TNR: variants seen among roughly 807,000 people sequenced by gnomAD.
TNR encodes tenascin R.
Under a neutral mutation model 150.4 loss-of-function variants are expected in TNR, and 45 were observed. That is an observed-to-expected ratio of 0.30 (90% CI 0.24 to 0.38). The LOEUF is 0.38. Among genes scored for constraint, TNR ranks in the 10% least tolerant of loss-of-function variants. The pLI, the probability that TNR is intolerant of heterozygous loss-of-function variation, is 1.00. For synonymous variants in TNR, 687 were observed against 678.4 expected (o/e 1.01, Z -0.20); for missense variants, 1,544 against 1,759.1 (o/e 0.88, Z 2.19).
intron 2 of TNR, among the ~76,000 whole-genome samples, chr1:175,517,189 C>T (rs1251083051): frequency 6.6e-6 from 1 of 152,116 alleles, no homozygotes; most frequent in African/African-American, 2.4e-5. Flanking sequence ...CCAACATTTC[C>T]TCCTCTGCTC....
At chr1:175,529,372 T>A (rs545296626) in intron 1 of TNR, among the ~76,000 whole-genome samples, 1 of 152,204 alleles carries the variant, frequency 6.6e-6, no homozygotes, top group Non-Finnish European at 1.5e-5. Context: ...GAGGACCTCA[T>A]GAAACCCTCA....
chr1:175,491,667 T>G (rs1571515155), intron 2 of TNR, among the ~76,000 whole-genome samples: 1 of 96,034 alleles, frequency 1.0e-5, no homozygotes, highest in Admixed American at 1.0e-4. Context: ...TTTTTTTTTT[T>G]GAGATGGAGT....
At chr1:175,667,474 A>T (rs912655740) in intron 1 of TNR, among the ~76,000 whole-genome samples, 1 of 152,232 alleles carries the variant, frequency 6.6e-6, no homozygotes, top group African/African-American at 2.4e-5. Flanking sequence ...TTTCTTAAGC[A>T]CCTGCTATGT....
chr1:175,539,309 C>T (rs947597527), intron 1 of TNR: 4 of 152,228 alleles, frequency 2.6e-5, no homozygotes, highest in Admixed American at 6.5e-5. Flanking sequence ...GGCTACTGCT[C>T]TTGAGAAAGA....
At chr1:175,450,865 C>G (rs1164728857) in intron 2 of TNR, among the ~76,000 whole-genome samples, 2 of 152,206 alleles carry the variant, frequency 1.3e-5, no homozygotes, top group Non-Finnish European at 2.9e-5. Context: ...ATCCATCTAT[C>G]TGTGACATCC....
chr1:175,696,705 A>C (rs779449264), intron 1 of TNR, among the ~76,000 whole-genome samples: 2 of 151,936 alleles, frequency 1.3e-5, no homozygotes, highest in Non-Finnish European at 1.5e-5. Flanking sequence ...CATGGAGAAA[A>C]CCCATGTCTA....
chr1:175,708,036 G>C (rs909648951), intron 1 of TNR, among the ~76,000 whole-genome samples: 1 of 149,956 alleles, frequency 6.7e-6, no homozygotes, highest in African/African-American at 2.5e-5. Flanking sequence ...GTGTGTGTGT[G>C]TGTGTGTGTG....
chr1:175,620,565 G>A (rs74127365), intron 1 of TNR, among the ~76,000 whole-genome samples: 3,985 of 152,288 alleles, frequency 0.026, 177 homozygotes, highest in African/African-American at 0.089. Context: ...CAGCCCAAAG[G>A]CTGGCAGCAG....
At position 175,406,871 on chromosome 1, in the gene TNR, C is replaced by T. The variant is rs1571397854; in HGVS notation, c.-63-94G>A. The T allele has an allele frequency of 9.1e-6, 8 of 881,906 alleles. No homozygotes were observed. The East Asian group carries it at 1.9e-4, about 21-fold the overall frequency. The allele number at this position is 881,906 out of a possible 1,614,324, so 54.6% of individuals were successfully genotyped here. On this transcript the variant is annotated intron_variant, in intron 2 of 22. Coordinates refer to ENST00000367674, the MANE Select transcript of TNR (RefSeq NM_003285.3). ...CCTACAAAGCTCAGGAGTAGGCAGCCAGAGATTTTCAAGGGGGGGGCGTCA... is the reference window on the plus strand; with the variant it reads ...CCTACAAAGCTCAGGAGTAGGCAGCTAGAGATTTTCAAGGGGGGGGCGTCA...
intron 1 of TNR, among the ~76,000 whole-genome samples, chr1:175,725,715 A>C (rs1213526931): frequency 6.6e-6 from 1 of 152,248 alleles, no homozygotes; most frequent in Non-Finnish European, 1.5e-5. Context: ...CTAGCAGGTT[A>C]GAAATGGAGA....
chr1:175,473,924 C>T (rs1657410964), intron 2 of TNR, among the ~76,000 whole-genome samples: 1 of 152,072 alleles, frequency 6.6e-6, no homozygotes, highest in African/African-American at 2.4e-5. Flanking sequence ...CGCCTGTATG[C>T]TTTTATCACC....
chr1:175,725,688 G>A (rs1010918711), intron 1 of TNR, among the ~76,000 whole-genome samples: 2 of 152,210 alleles, frequency 1.3e-5, no homozygotes, highest in Non-Finnish European at 2.9e-5. Flanking sequence ...AGAGAAAGAC[G>A]AAGACAGTTT....
intron 1 of TNR, among the ~76,000 whole-genome samples, chr1:175,697,688 A>G (rs1666573356): frequency 6.6e-6 from 1 of 152,172 alleles, no homozygotes; most frequent in African/African-American, 2.4e-5. Flanking sequence ...GCAAGGAGCA[A>G]ATGGTGGCTG....
intron 1 of TNR, among the ~76,000 whole-genome samples, chr1:175,710,314 G>A (rs1666971871): frequency 6.6e-6 from 1 of 152,134 alleles, no homozygotes; most frequent in Non-Finnish European, 1.5e-5. Context: ...TGGCTGGACA[G>A]TGAAGCCTTC....
At chr1:175,425,370 AG>A (rs1046684840) in intron 2 of TNR, among the ~76,000 whole-genome samples, 3 of 152,204 alleles carry the variant, frequency 2.0e-5, no homozygotes, top group African/African-American at 7.2e-5. Flanking sequence ...GGTGGTTTTA[AG>A]CACTTAATAT....
intron 8 of TNR, among the ~76,000 whole-genome samples, chr1:175,385,714 G>A (rs1652883117): frequency 6.6e-6 from 1 of 152,210 alleles, no homozygotes; most frequent in Admixed American, 6.5e-5. Flanking sequence ...CGATATGGAT[G>A]CTTACATGTG....
intron 1 of TNR, among the ~76,000 whole-genome samples, chr1:175,721,280 T>C (rs943678302): frequency 6.6e-6 from 1 of 152,186 alleles, no homozygotes; most frequent in African/African-American, 2.4e-5. Flanking sequence ...TAAAATAATC[T>C]TACTTGATTA....
chr1:175,697,522 C>T (rs1206547999), intron 1 of TNR, among the ~76,000 whole-genome samples: 1 of 152,144 alleles, frequency 6.6e-6, no homozygotes, highest in East Asian at 1.9e-4. Context: ...CTGGGAAGTC[C>T]CCGCCCAGCC....
In TNR at chr1:175,682,282, C is replaced by A. The variant is rs180733795; in HGVS notation, c.-165+60944G>T. Among the ~76,000 whole-genome samples the A allele has an allele frequency of 3.7e-3, 570 of 152,284 alleles. 8 individuals are homozygous for A. The highest frequency in any genetic ancestry group is 0.013 in the African/African-American group (523 of 41,544). On this transcript the variant is annotated intron_variant, in intron 1 of 22. Transcript: ENST00000367674. ...CATAGCTATCACTTACTGTGAGCTT[C>A]CCCGGGCCCAGGTGCTTACATGCAT...
Sources: allele counts gnomAD v4.1 joint callset (sites outside exome capture counted in the v4.1 genomes callset), GRCh38; gene constraint gnomAD v4.1.1; transcripts MANE v1.5; gene names NCBI Gene and HGNC (gene_info 2026-07-23, HGNC 2026-07-21).